The following CTTNBP2 variants were observed in gnomAD, a reference collection of about 807,000 sequenced individuals.
CTTNBP2 encodes the protein cortactin-binding protein 2.
Under a neutral mutation model 156.9 loss-of-function variants are expected in CTTNBP2, and 108 were observed. That is an observed-to-expected ratio of 0.69 (90% CI 0.59 to 0.81). The LOEUF is 0.81. Ranked by LOEUF, CTTNBP2 falls within the 30% of genes least tolerant of loss-of-function variation. The pLI is 0.00. For synonymous variants in CTTNBP2, 767 were observed against 751.8 expected (o/e 1.02, Z -0.33); for missense variants, 1,924 against 2,035.4 (o/e 0.95, Z 1.05).
chr7:117,782,356 G>A (rs999218022), intron 6 of CTTNBP2, among the ~76,000 whole-genome samples: 1 of 152,056 alleles, frequency 6.6e-6, no homozygotes, highest in Non-Finnish European at 1.5e-5. Flanking sequence ...TTAGCTTAAT[G>A]CCCAAACTAC....
chr7:117,864,377 C>T (rs1168324607), intron 1 of CTTNBP2, among the ~76,000 whole-genome samples: 1 of 152,030 alleles, frequency 6.6e-6, no homozygotes, highest in African/African-American at 2.4e-5. Flanking sequence ...CACTTCTCCA[C>T]TACTAGTCAT....
At chr7:117,732,316 A>T (rs942902866) in intron 16 of CTTNBP2, among the ~76,000 whole-genome samples, 2 of 152,190 alleles carry the variant, frequency 1.3e-5, no homozygotes, top group African/African-American at 4.8e-5. Context: ...ACACAAAAAT[A>T]AATATTTATT....
intron 14 of CTTNBP2, among the ~76,000 whole-genome samples, chr7:117,744,913 C>T (rs1371226106): frequency 6.6e-6 from 1 of 152,138 alleles, no homozygotes; most frequent in Non-Finnish European, 1.5e-5. Context: ...GATATAGAAG[C>T]ACCCCTCCCC....
rs531031184 is a variant in CTTNBP2, at chr7:117,712,716, G to A, written c.4747-934C>T. The stretch of plus-strand genomic sequence containing the variant: ...CGGCAGTTGCATTCTCCTGGGTATC[G>A]TCTTATATGACATTGGAATCACCTG... On this transcript the variant is annotated intron_variant, in intron 22 of 22. Transcript: ENST00000160373. 5.3e-5 allele frequency among the ~76,000 whole-genome samples: 8 copies of A among 152,254 alleles called. No homozygotes were observed. The East Asian group carries it at 5.8e-4, about 11-fold the overall frequency.
chr7:117,838,738 T>G (rs115392827), intron 2 of CTTNBP2, among the ~76,000 whole-genome samples: 1 of 152,030 alleles, frequency 6.6e-6, no homozygotes, highest in African/African-American at 2.4e-5. Flanking sequence ...TTTACAAAAA[T>G]GTTAACACAA....
At chr7:117,751,948 C>T (rs1796640378) in intron 12 of CTTNBP2, among the ~76,000 whole-genome samples, 1 of 152,142 alleles carries the variant, frequency 6.6e-6, no homozygotes, top group African/African-American at 2.4e-5. Flanking sequence ...CCACTGGTAG[C>T]AGAGCTGCCT....
At chr7:117,821,666 G>A (rs1039698755) in intron 2 of CTTNBP2, among the ~76,000 whole-genome samples, 1 of 148,618 alleles carries the variant, frequency 6.7e-6, no homozygotes, top group South Asian at 2.1e-4. Flanking sequence ...TCGGCTCACT[G>A]CAAGCTCTGC....
chr7:117,863,919 C>T (rs945798352), intron 1 of CTTNBP2, among the ~76,000 whole-genome samples: 1 of 152,130 alleles, frequency 6.6e-6, no homozygotes, highest in Non-Finnish European at 1.5e-5. Flanking sequence ...GAGTAAGCTG[C>T]AATTCTTATG....
intron 3 of CTTNBP2, among the ~76,000 whole-genome samples, chr7:117,798,823 C>A (rs1031338188): frequency 6.6e-5 from 10 of 151,588 alleles, no homozygotes; most frequent in Non-Finnish European, 1.2e-4. Context: ...ATGTAGAAAA[C>A]CAGATTTAGA....
intron 2 of CTTNBP2, among the ~76,000 whole-genome samples, chr7:117,837,094 C>A (rs967869417): frequency 6.6e-6 from 1 of 152,170 alleles, no homozygotes; most frequent in East Asian, 1.9e-4. Context: ...AGACAAGGAG[C>A]GTGAGACTGA....
rs1204143527 is a variant in CTTNBP2 at position 117,724,597 on chromosome 7, G to C, written c.4397C>G (p.Ser1466Cys). 6.2e-7 allele frequency: 1 copy of C among 1,614,112 alleles called. No homozygotes were observed. The highest frequency in any genetic ancestry group is 8.5e-7 in the Non-Finnish European group (1 of 1,180,040). ...CCAGGTGGGTAAAGAGAAGCGGCCA[G>C]ACTTCCTGCGAGGACTGGTGTTCAC... ...RKVNTSPRRKSGRFSLPTWNK... is the reference protein window; with the variant it reads ...RKVNTSPRRKCGRFSLPTWNK... Residue 1466 changes from serine to cysteine, a missense_variant, in exon 19 of 23, where the codon TCT (serine) becomes TGT (cysteine). Physicochemically the swap from Ser to Cys is moderately radical, Grantham distance 112 (BLOSUM62 -1). Coordinates refer to ENST00000160373, the MANE Select transcript of CTTNBP2 (RefSeq NM_033427.3).
chr7:117,832,964 C>T (rs915115515), intron 2 of CTTNBP2, among the ~76,000 whole-genome samples: 1 of 151,686 alleles, frequency 6.6e-6, no homozygotes, highest in Non-Finnish European at 1.5e-5. Context: ...ACTATGTTGG[C>T]TAGGCTGGTC....
chr7:117,779,796 T>C (rs1478773477), intron 7 of CTTNBP2, among the ~76,000 whole-genome samples: 1 of 151,942 alleles, frequency 6.6e-6, no homozygotes, highest in Non-Finnish European at 1.5e-5. Context: ...GTTTTGCTCT[T>C]TTCTCCCAGG....
intron 2 of CTTNBP2, among the ~76,000 whole-genome samples, chr7:117,847,387 T>A (rs1256862839): frequency 6.6e-6 from 1 of 152,094 alleles, no homozygotes; most frequent in East Asian, 1.9e-4. Context: ...AATAGAAAAC[T>A]TAGCTGGGCG....
chr7:117,804,995 C>G (rs139824868), intron 3 of CTTNBP2, among the ~76,000 whole-genome samples: 1 of 152,266 alleles, frequency 6.6e-6, no homozygotes, highest in East Asian at 1.9e-4. Context: ...TTTCTGTGGT[C>G]TCTCTTCTTG....
At chr7:117,832,470 TACAGCCCAAACCCTC>T (rs1801668279) in intron 2 of CTTNBP2, among the ~76,000 whole-genome samples, 1 of 152,144 alleles carries the variant, frequency 6.6e-6, no homozygotes, top group Non-Finnish European at 1.5e-5. Context: ...CTAATAATAC[TACAGCCCAAACCCTC>T]ACCAAGCAAG....
At chr7:117,847,819 CTTTTTTTTT>C (rs201419286) in intron 2 of CTTNBP2, among the ~76,000 whole-genome samples, 24 of 91,356 alleles carry the variant, frequency 2.6e-4, no homozygotes, top group African/African-American at 6.7e-4. Context: ...TTTGCCTAAC[CTTTTTTTTT>C]TTTTTTTTTT....
In CTTNBP2 at chr7:117,711,763, C is replaced by A; in HGVS notation, c.4766G>T (p.Ser1589Ile). The change falls in exon 23 of 23, where the codon AGC becomes ATC. Residue 1589 changes from serine (S) to isoleucine (I), a missense_variant. Coordinates refer to ENST00000160373, the MANE Select transcript of CTTNBP2 (RefSeq NM_033427.3). ...GTTGCTGCATTCAGTAGTTTGATGGCTGCTGAGAGGACTGACCTCCTGTAA... is the reference window on the plus strand; with the variant it reads ...GTTGCTGCATTCAGTAGTTTGATGGATGCTGAGAGGACTGACCTCCTGTAA... ...VSQKEVSPLS[S>I]HQTTECSNSK... The A allele has an allele frequency of 6.2e-7, 1 of 1,613,044 alleles. No homozygotes were observed. The highest frequency in any genetic ancestry group is 8.5e-7 in the Non-Finnish European group (1 of 1,179,282).
In CTTNBP2 at chr7:117,757,897, C is replaced by T; in HGVS notation, c.3246G>A (p.Glu1082=). Residue 1082 remains glutamate (E), a synonymous_variant, in exon 11 of 23, where the codon GAG becomes GAA. Transcript: ENST00000160373. ...TACCTGACAAAAGCACAGTGATGTG[C>T]TCTGCCTTATTCTTCCTCATAAAGT... ...PWDFMRKNKA[E]HITVLLSGPQ... The T allele has an allele frequency of 6.2e-7, 1 of 1,612,596 alleles. No individual in the cohort carries two copies. The highest frequency in any genetic ancestry group is 2.2e-5 in the East Asian group (1 of 44,808).
Sources: allele counts gnomAD v4.1 joint callset (sites outside exome capture counted in the v4.1 genomes callset), GRCh38; gene constraint gnomAD v4.1.1; transcripts MANE v1.5; gene names NCBI Gene and HGNC (gene_info 2026-07-23, HGNC 2026-07-21).